The following SYNJ2BP variants were observed in gnomAD, a reference collection of about 807,000 sequenced individuals.
SYNJ2BP encodes synaptojanin-2-binding protein.
SYNJ2BP carries 10 observed loss-of-function variants against 16.9 expected under a neutral mutation model. The observed-to-expected ratio is 0.59, with a 90% CI of 0.36 to 1.00. The LOEUF (loss-of-function observed/expected upper bound fraction) is 1.00. SYNJ2BP is among the 50% of genes least tolerant of loss of function. The pLI, the probability that SYNJ2BP is intolerant of heterozygous loss-of-function variation, is 0.01. For missense variants in SYNJ2BP, 162 were observed against 186.7 expected (o/e 0.87, Z 0.77); for synonymous variants, 54 against 68.4 (o/e 0.79, Z 1.04).
At position 70,367,231 on chromosome 14, in the gene SYNJ2BP, C is replaced by G. The variant is rs1566611567; in HGVS notation, c.*5760G>C. Reference sequence around the variant, plus strand: ...ATAGGTTTTATAGTATCATCAAGTACATCAGTTAAGCAAATCAAGTGCTTT... The same window carrying G: ...ATAGGTTTTATAGTATCATCAAGTAGATCAGTTAAGCAAATCAAGTGCTTT... On this transcript the variant is annotated 3_prime_UTR_variant, in exon 4 of 4. Transcript: ENST00000256366. 6.6e-6 allele frequency: 1 copy of G among 152,070 alleles called. No homozygotes were observed. Among genetic ancestry groups the G allele is most frequent in the Non-Finnish European group, 1.5e-5 (1 of 68,020 alleles). 9.4% of individuals were successfully genotyped at this position (152,070 alleles called of 1,614,324 possible).
intron 1 of SYNJ2BP, among the ~76,000 whole-genome samples, chr14:70,404,923 C>T (rs1273359285): frequency 6.6e-6 from 1 of 152,062 alleles, no homozygotes; most frequent in African/African-American, 2.4e-5. Flanking sequence ...TACAGGAGTT[C>T]AAGAACAACC....
rs372507814 is a variant in SYNJ2BP at position 70,412,896 on chromosome 14, A to G, written c.64+4004T>C. On this transcript the variant is annotated intron_variant, in intron 1 of 3. Transcript: ENST00000256366. ...TACCTGTTGCAGTGCAAAAAAACAT[A>G]TTAAACAGTCTTGTCACACTTTTTA... Among the ~76,000 whole-genome samples, 70 of 152,322 alleles carry G rather than the reference A, an allele frequency of 4.6e-4. No individual in the cohort carries two copies. In the South Asian group the frequency reaches 0.014, roughly 31 times the overall value.
chr14:70,401,671 C>T (rs995905133), intron 1 of SYNJ2BP, among the ~76,000 whole-genome samples: 1 of 152,024 alleles, frequency 6.6e-6, no homozygotes, highest in Non-Finnish European at 1.5e-5. Flanking sequence ...TTAAAATCTC[C>T]AGGCTCTTGC....
chr14:70,378,148 T>C (rs1481409784), intron 2 of SYNJ2BP, among the ~76,000 whole-genome samples: 1 of 152,228 alleles, frequency 6.6e-6, no homozygotes, highest in Admixed American at 6.5e-5. Flanking sequence ...CTTCCCTTTC[T>C]TTCTCCTTAA....
chr14:70,391,468 G>A (rs1400962332), intron 1 of SYNJ2BP, among the ~76,000 whole-genome samples: 1 of 152,190 alleles, frequency 6.6e-6, no homozygotes. Flanking sequence ...AAAAGCAGAT[G>A]GAACAAGATT....
At chr14:70,399,821 T>G (rs1888196912) in intron 1 of SYNJ2BP, among the ~76,000 whole-genome samples, 1 of 152,194 alleles carries the variant, frequency 6.6e-6, no homozygotes, top group Non-Finnish European at 1.5e-5. Context: ...GGTGTTGTTT[T>G]GGGGAAAACA....
At chr14:70,404,094 G>T (rs1888297389) in intron 1 of SYNJ2BP, among the ~76,000 whole-genome samples, 1 of 152,046 alleles carries the variant, frequency 6.6e-6, no homozygotes, top group African/African-American at 2.4e-5. Context: ...GGCCAGGCAT[G>T]GTAGCTAACA....
rs1040960963 is a variant in SYNJ2BP at position 70,368,149 on chromosome 14, C to T, written c.*4842G>A. 6.6e-6 allele frequency: 1 copy of T among 150,640 alleles called. No individual in the cohort carries two copies. The highest frequency in any genetic ancestry group is 1.5e-5 in the Non-Finnish European group (1 of 67,856). 9.3% of individuals were successfully genotyped at this position (150,640 alleles called of 1,614,324 possible). A position where few individuals can be genotyped will look rare whatever the true frequency, so the allele number is the denominator to read the frequency against. On this transcript the variant is annotated 3_prime_UTR_variant, in exon 4 of 4. Transcript: ENST00000256366. ...TTTACACAATAAAAACAATGTCCAC[C>T]ATAAAAAAAAAAGTCTCTAGAACTA... is the stretch of plus-strand genomic sequence containing the variant.
intron 1 of SYNJ2BP, 150 bp downstream of exon 1, chr14:70,416,750 A>AT: frequency 8.5e-7 from 1 of 1,172,222 alleles, no homozygotes. Context: ...ATTTCAATAT[A>AT]TTTTCTCTAA....
At chr14:70,401,961 ATTTC>A (rs2140860246) in intron 1 of SYNJ2BP, among the ~76,000 whole-genome samples, 1 of 152,158 alleles carries the variant, frequency 6.6e-6, no homozygotes, top group South Asian at 2.1e-4. Flanking sequence ...AACTTGTTCT[ATTTC>A]TTTCCACTCT....
rs563532713 is a variant in SYNJ2BP, at chr14:70,395,607, C to G, written c.65-7001G>C. On this transcript the variant is annotated intron_variant, in intron 1 of 3. Coordinates refer to ENST00000256366, the MANE Select transcript of SYNJ2BP (RefSeq NM_018373.3). The stretch of plus-strand genomic sequence containing the variant: ...TCCATTGGATACACAACCCCCCTGT[C>G]TGTCTTTATCTATATCATGGTAAAA... Among the ~76,000 whole-genome samples the G allele has an allele frequency of 7.2e-4, 109 of 152,328 alleles. 1 individual carries two copies. The highest frequency in any genetic ancestry group is 6.8e-3 in the Middle Eastern group (2 of 294).
intron 3 of SYNJ2BP, 50 bp from the exon 4 acceptor site, chr14:70,373,181 A>T: frequency 6.2e-7 from 1 of 1,605,168 alleles, no homozygotes; most frequent in South Asian, 1.1e-5. Flanking sequence ...TGTGTTTGCA[A>T]CTGAAACGCC....
intron 1 of SYNJ2BP, among the ~76,000 whole-genome samples, chr14:70,404,629 C>T (rs1050712193): frequency 2.6e-5 from 4 of 152,108 alleles, no homozygotes; most frequent in East Asian, 3.8e-4. Flanking sequence ...TACCTTACTT[C>T]CTAGGTTCTT....
chr14:70,408,102 GT>G (rs570551966), intron 1 of SYNJ2BP, among the ~76,000 whole-genome samples: 265 of 142,274 alleles, frequency 1.9e-3, no homozygotes, highest in Admixed American at 2.3e-3. Context: ...CTTCTAACAG[GT>G]TTTTTTTTTT....
chr14:70,403,242 A>T (rs1888277472), intron 1 of SYNJ2BP, among the ~76,000 whole-genome samples: 1 of 152,188 alleles, frequency 6.6e-6, no homozygotes, highest in Non-Finnish European at 1.5e-5. Flanking sequence ...AAGCTATAAG[A>T]TCTGTTTCTG....
rs759155314 is a variant in SYNJ2BP, at chr14:70,375,661, CAA to C, written c.297+13_297+14del. 6.2e-7 allele frequency: 1 copy of C among 1,607,054 alleles called. No individual in the cohort carries two copies. The highest frequency in any genetic ancestry group is 8.5e-7 in the Non-Finnish European group (1 of 1,177,736). On this transcript the variant is annotated intron_variant, in intron 3 of 3. Transcript: ENST00000256366. Reference sequence around the variant, plus strand: ...AAAGCCTGGTGCCAGGTTTCTGGCTCAAAGTGATACCTACCCTGTGCTGCACT... The same window carrying C: ...AAAGCCTGGTGCCAGGTTTCTGGCTCAGTGATACCTACCCTGTGCTGCACT...
At chr14:70,393,965 T>TAA (rs71105707) in intron 1 of SYNJ2BP, among the ~76,000 whole-genome samples, 5,078 of 135,672 alleles carry the variant, frequency 0.037, 127 homozygotes, top group Middle Eastern at 0.073. Context: ...AACTTAAAAT[T>TAA]AAAAAAAAAA....
At chr14:70,393,996 GA>G (rs929021634) in intron 1 of SYNJ2BP, among the ~76,000 whole-genome samples, 25 of 134,916 alleles carry the variant, frequency 1.9e-4, no homozygotes, top group East Asian at 8.5e-4. Context: ...GAAACCAAAG[GA>G]AAAAAAAAAG....
At chr14:70,391,650 T>A (rs949892778) in intron 1 of SYNJ2BP, among the ~76,000 whole-genome samples, 2 of 152,130 alleles carry the variant, frequency 1.3e-5, no homozygotes, top group African/African-American at 4.8e-5. Context: ...AGGAAGCAAA[T>A]GTTAAGCAGC....
Sources: allele counts gnomAD v4.1 joint callset (sites outside exome capture counted in the v4.1 genomes callset), GRCh38; gene constraint gnomAD v4.1.1; transcripts MANE v1.5; gene names NCBI Gene and HGNC (gene_info 2026-07-23, HGNC 2026-07-21).